Variants in LTBP1 observed in about 807,000 individuals in gnomAD.
LTBP1 encodes latent transforming growth factor beta binding protein 1, also known as latent-transforming growth factor beta-binding protein 1.
In LTBP1, 129 loss-of-function variants were observed where a neutral mutation model predicts 207.6. The observed-to-expected ratio is 0.62, with a 90% CI of 0.54 to 0.72. The LOEUF (loss-of-function observed/expected upper bound fraction) is 0.72, where lower values mean the gene tolerates loss of function less well. LTBP1 is among the 30% of genes least tolerant of loss of function. The probability of loss-of-function intolerance (pLI) is 0.00; values close to 1 mark genes in which losing one functional copy is unlikely to be tolerated. For missense variants in LTBP1, 2,281 were observed against 2,217.2 expected, an observed-to-expected ratio of 1.03 and a Z score of -0.58; for synonymous variants, 963 against 833.7, an observed-to-expected ratio of 1.16 and a Z score of -2.67.
At chr2:33,255,135 A>T (rs1484074904) in intron 11 of LTBP1, among the ~76,000 whole-genome samples, 23 of 94,434 alleles carry the variant, frequency 2.4e-4, no homozygotes, top group Middle Eastern at 9.3e-3. Context: ...TGTCCATGTG[A>T]TCTCATTGTT....
chr2:33,346,920 T>A (rs2149754096), intron 25 of LTBP1, among the ~76,000 whole-genome samples: 1 of 152,052 alleles, frequency 6.6e-6, no homozygotes, highest in Middle Eastern at 3.4e-3. Flanking sequence ...ATCGAGACCA[T>A]CCTGCCTAAC....
At chr2:33,095,964 T>G (rs1426992489) in intron 3 of LTBP1, among the ~76,000 whole-genome samples, 1 of 152,066 alleles carries the variant, frequency 6.6e-6, no homozygotes, top group South Asian at 2.1e-4. Context: ...GAAAAATGTT[T>G]AAAGAGATAG....
chr2:33,252,961 A>G (rs185176386), intron 11 of LTBP1, 117 bp downstream of exon 11: 13 of 789,278 alleles, frequency 1.6e-5, no homozygotes, highest in African/African-American at 1.5e-4. Flanking sequence ...AATACATTGT[A>G]AATATTTAAT....
At position 32,975,583 on chromosome 2, in the gene LTBP1, GTTTTTTTTTTTTTTTTT is replaced by G. The variant is rs779168923; in HGVS notation, c.565+26660_565+26676del. The stretch of plus-strand genomic sequence containing the variant: ...TTGTTGGAGGTTTCATTCATTCTTT[GTTTTTTTTTTTTTTTTT>G]TTTTTTTTTTTTTTTTTTTTTGTCT... On this transcript the variant is annotated intron_variant, in intron 2 of 33. Transcript: ENST00000404816. 1.6e-3 allele frequency among the ~76,000 whole-genome samples: 50 copies of G among 31,382 alleles called. 1 individual carries two copies. Among genetic ancestry groups the G allele is most frequent in the African/African-American group, 5.6e-3 (41 of 7,286 alleles). 20.6% of individuals were successfully genotyped at this position (31,382 alleles called of 152,430 possible).
intron 26 of LTBP1, 144 bp downstream of exon 26, chr2:33,347,654 C>A: frequency 2.1e-6 from 2 of 944,334 alleles, no homozygotes; most frequent in Non-Finnish European, 3.2e-6. Flanking sequence ...CTTCCATGAT[C>A]TTCTGTGCCT....
chr2:33,162,176 C>T (rs1228054218), intron 5 of LTBP1, among the ~76,000 whole-genome samples: 1 of 152,080 alleles, frequency 6.6e-6, no homozygotes, highest in Non-Finnish European at 1.5e-5. Context: ...TCTAAGGTAC[C>T]AGAATAAAGG....
chr2:33,140,471 G>A (rs1439925616), intron 5 of LTBP1, among the ~76,000 whole-genome samples: 1 of 152,028 alleles, frequency 6.6e-6, no homozygotes, highest in Non-Finnish European at 1.5e-5. Context: ...TATATCTCAG[G>A]TTTTAAAAGA....
intron 2 of LTBP1, among the ~76,000 whole-genome samples, chr2:32,987,733 C>G (rs915192559): frequency 4.6e-5 from 7 of 152,136 alleles, no homozygotes; most frequent in African/African-American, 1.4e-4. Flanking sequence ...TTTCAGGAAA[C>G]AAAGGTCACT....
chr2:33,093,939 G>T (rs374858718), intron 3 of LTBP1, among the ~76,000 whole-genome samples: 4 of 152,226 alleles, frequency 2.6e-5, no homozygotes, highest in Admixed American at 6.5e-5. Context: ...TTTCAACAAA[G>T]TGGGACTTAG....
intron 3 of LTBP1, among the ~76,000 whole-genome samples, chr2:33,069,495 G>A (rs1434719100): frequency 1.3e-5 from 2 of 152,164 alleles, no homozygotes; most frequent in African/African-American, 4.8e-5. Flanking sequence ...CAGAGTTTTT[G>A]CTGTTTGCTA....
chr2:33,346,455 AG>A, intron 25 of LTBP1, among the ~76,000 whole-genome samples: 1 of 151,380 alleles, frequency 6.6e-6, no homozygotes, highest in East Asian at 2.0e-4. Flanking sequence ...AGGCCGAGGC[AG>A]GCGGATCACT....
chr2:33,139,037 T>C (rs566077979), intron 5 of LTBP1, among the ~76,000 whole-genome samples: 3 of 151,434 alleles, frequency 2.0e-5, no homozygotes, highest in South Asian at 2.1e-4. Context: ...TTTTTGTATT[T>C]TTAGTAGAGA....
intron 2 of LTBP1, among the ~76,000 whole-genome samples, chr2:32,961,945 C>CAAAAAAAAAAAA (rs34607490): frequency 1.0e-5 from 1 of 98,446 alleles, no homozygotes. Flanking sequence ...AACTCCGTCT[C>CAAAAAAAAAAAA]AAAAAAAAAA....
chr2:33,115,304 C>T (rs1021765036), intron 4 of LTBP1, among the ~76,000 whole-genome samples: 4 of 151,976 alleles, frequency 2.6e-5, no homozygotes, highest in Admixed American at 6.6e-5. Flanking sequence ...TAGGCAAATC[C>T]ACAGACACGG....
intron 7 of LTBP1, among the ~76,000 whole-genome samples, chr2:33,194,263 A>C (rs2088279785): frequency 1.3e-5 from 2 of 151,816 alleles, no homozygotes; most frequent in African/African-American, 4.8e-5. Context: ...GGGGTTACAG[A>C]CGTGAGCCAC....
Position 32,961,015 on chromosome 2 carries a change from G to C in LTBP1, c.565+12070G>C, listed in dbSNP as rs1314004984. On this transcript the variant is annotated intron_variant, in intron 2 of 33. Coordinates refer to ENST00000404816, the MANE Select transcript of LTBP1 (RefSeq NM_206943.4). Reference sequence around the variant, plus strand: ...CAAGTACTATAAAACACGAGTGCATGCAAGTGTATTTTATTACTAAGAAAT... The same window carrying C: ...CAAGTACTATAAAACACGAGTGCATCCAAGTGTATTTTATTACTAAGAAAT... 2.0e-5 allele frequency among the ~76,000 whole-genome samples: 3 copies of C among 152,180 alleles called. No individual in the cohort carries two copies. The South Asian group carries it at 6.2e-4, about 32-fold the overall frequency.
intron 5 of LTBP1, among the ~76,000 whole-genome samples, chr2:33,150,012 A>T (rs13413448): frequency 0.054 from 8,259 of 152,274 alleles, 739 homozygotes; most frequent in African/African-American, 0.19. Flanking sequence ...CTATTCAAGC[A>T]TTAAAAGTCT....
At chr2:33,092,195 GCGCA>G (rs1400748673) in intron 3 of LTBP1, among the ~76,000 whole-genome samples, 1,640 of 149,110 alleles carry the variant, frequency 0.011, 17 homozygotes, top group Non-Finnish European at 0.017. Flanking sequence ...ACACACACAC[GCGCA>G]CACACACACA....
chr2:33,338,448 C>T (rs1442899713), intron 24 of LTBP1, among the ~76,000 whole-genome samples: 1 of 152,204 alleles, frequency 6.6e-6, no homozygotes, highest in Non-Finnish European at 1.5e-5. Context: ...CTAGTACATA[C>T]CTTCTCTTTC....
Sources: allele counts gnomAD v4.1 joint callset (sites outside exome capture counted in the v4.1 genomes callset), GRCh38; gene constraint gnomAD v4.1.1; transcripts MANE v1.5; gene names NCBI Gene and HGNC (gene_info 2026-07-23, HGNC 2026-07-21).